The following TMEM132D variants were observed in gnomAD, a reference collection of about 807,000 sequenced individuals.
TMEM132D encodes the protein transmembrane protein 132D.
A neutral mutation model predicts 62.3 loss-of-function variants in TMEM132D; 21 were observed. The observed-to-expected ratio is 0.34, with a 90% CI of 0.24 to 0.49. The LOEUF is 0.49. Among genes scored for constraint, TMEM132D ranks in the 20% least tolerant of loss-of-function variants. The probability of loss-of-function intolerance (pLI) is 0.99; values close to 1 mark genes in which losing one functional copy is unlikely to be tolerated. For missense variants in TMEM132D, 1,346 were observed against 1,402.8 expected (o/e 0.96, Z 0.65); for synonymous variants, 621 against 575.6 (o/e 1.08, Z -1.13).
rs115367998 is a variant in TMEM132D at position 129,262,144 on chromosome 12, T to A, written c.1300-52481A>T. ...CCTGTGATGGTTTCTTGTGTTCTAT[T>A]TGTAAAGGGATGCACCGATAAAGCA... On this transcript the variant is annotated intron_variant, in intron 4 of 8. Coordinates refer to ENST00000422113, the MANE Select transcript of TMEM132D (RefSeq NM_133448.3). Among the ~76,000 whole-genome samples, 899 of 152,246 alleles carry A rather than the reference T, an allele frequency of 5.9e-3. 10 individuals carry two copies. Among genetic ancestry groups the A allele is most frequent in the African/African-American group, 0.02 (849 of 41,532 alleles).
At chr12:129,801,423 G>A (rs1344610383) in intron 1 of TMEM132D, among the ~76,000 whole-genome samples, 2 of 151,614 alleles carry the variant, frequency 1.3e-5, no homozygotes, top group South Asian at 2.1e-4. Context: ...CCCCAGCAGG[G>A]GCACACTGAC....
chr12:129,092,303 CTTT>C (rs3045890), intron 5 of TMEM132D, among the ~76,000 whole-genome samples: 304 of 133,876 alleles, frequency 2.3e-3, no homozygotes, highest in African/African-American at 8.1e-3. Context: ...TCTCTCTTTC[CTTT>C]TTTTTTTTTT....
intron 1 of TMEM132D, among the ~76,000 whole-genome samples, chr12:129,838,501 C>T (rs889397882): frequency 2.6e-5 from 4 of 152,196 alleles, no homozygotes; most frequent in African/African-American, 9.7e-5. Flanking sequence ...TGCCTAACCC[C>T]CTTCCACTGA....
At chr12:129,808,245 C>A (rs1872057686) in intron 1 of TMEM132D, among the ~76,000 whole-genome samples, 1 of 152,160 alleles carries the variant, frequency 6.6e-6, no homozygotes, top group African/African-American at 2.4e-5. Context: ...ATCCTTTATT[C>A]AAGTCATGAG....
intron 5 of TMEM132D, among the ~76,000 whole-genome samples, chr12:129,130,796 G>A (rs1485271850): frequency 6.6e-6 from 1 of 152,180 alleles, no homozygotes; most frequent in African/African-American, 2.4e-5. Flanking sequence ...GCATATTACA[G>A]AAATTAGCTG....
At chr12:129,333,830 A>G (rs1869190797) in intron 4 of TMEM132D, among the ~76,000 whole-genome samples, 1 of 152,270 alleles carries the variant, frequency 6.6e-6, no homozygotes, top group South Asian at 2.1e-4. Context: ...TAAAATATAA[A>G]AAATTATAGG....
chr12:129,606,345 T>C (rs1283161624), intron 2 of TMEM132D, among the ~76,000 whole-genome samples: 1 of 152,092 alleles, frequency 6.6e-6, no homozygotes, highest in Non-Finnish European at 1.5e-5. Context: ...AAAAGATACA[T>C]GAGGGGTATC....
chr12:129,572,170 G>T (rs1275940592), intron 2 of TMEM132D, among the ~76,000 whole-genome samples: 2 of 152,200 alleles, frequency 1.3e-5, no homozygotes, highest in Non-Finnish European at 2.9e-5. Context: ...TCAGACACAG[G>T]GCACAGTCAC....
intron 5 of TMEM132D, among the ~76,000 whole-genome samples, chr12:129,087,845 G>A (rs961082934): frequency 6.6e-5 from 9 of 137,328 alleles, no homozygotes; most frequent in African/African-American, 2.0e-4. Flanking sequence ...ATGACACACC[G>A]CAGAGCCCCG....
At chr12:129,743,378 G>C (rs1049322099) in intron 1 of TMEM132D, among the ~76,000 whole-genome samples, 11 of 152,180 alleles carry the variant, frequency 7.2e-5, no homozygotes, top group Non-Finnish European at 1.5e-4. Flanking sequence ...GATAGTAAGT[G>C]AGTTCACAGG....
intron 4 of TMEM132D, among the ~76,000 whole-genome samples, chr12:129,333,524 T>C (rs1167170864): frequency 6.6e-6 from 1 of 152,214 alleles, no homozygotes; most frequent in Non-Finnish European, 1.5e-5. Context: ...TGTGTTTTCT[T>C]CACACCTATA....
chr12:129,657,629 G>A (rs566824128), intron 2 of TMEM132D, among the ~76,000 whole-genome samples: 8 of 152,286 alleles, frequency 5.3e-5, no homozygotes, highest in African/African-American at 1.4e-4. Context: ...AAAAATGTAC[G>A]GGTAAGTTAA....
At chr12:129,659,857 C>G (rs1051413819) in intron 2 of TMEM132D, among the ~76,000 whole-genome samples, 1 of 152,126 alleles carries the variant, frequency 6.6e-6, no homozygotes, top group Non-Finnish European at 1.5e-5. Flanking sequence ...AACTGAGAAA[C>G]AAAATTGTTC....
At chr12:129,784,952 C>T (rs891080170) in intron 1 of TMEM132D, among the ~76,000 whole-genome samples, 1 of 152,190 alleles carries the variant, frequency 6.6e-6, no homozygotes, top group African/African-American at 2.4e-5. Flanking sequence ...CAATGGCAAA[C>T]AAAGGCTAAA....
At chr12:129,261,026 C>T (rs1880537305) in intron 4 of TMEM132D, among the ~76,000 whole-genome samples, 1 of 152,074 alleles carries the variant, frequency 6.6e-6, no homozygotes, top group Non-Finnish European at 1.5e-5. Context: ...TGGTGGATAC[C>T]CAAGAGTGGG....
intron 3 of TMEM132D, among the ~76,000 whole-genome samples, chr12:129,516,067 C>G (rs577221824): frequency 3.1e-4 from 47 of 152,318 alleles, no homozygotes; most frequent in African/African-American, 1.1e-3. Context: ...TTCCTCCATC[C>G]TCAGGACTGC....
chr12:129,274,455 G>T (rs1023672832), intron 4 of TMEM132D, among the ~76,000 whole-genome samples: 4 of 152,120 alleles, frequency 2.6e-5, no homozygotes, highest in African/African-American at 9.7e-5. Flanking sequence ...TATCAGTCTG[G>T]TGCCCATATG....
chr12:129,676,818 T>G (rs925172502), intron 2 of TMEM132D, among the ~76,000 whole-genome samples: 1 of 151,458 alleles, frequency 6.6e-6, no homozygotes, highest in Non-Finnish European at 1.5e-5. Flanking sequence ...CATCTATCTA[T>G]GTTTATCATC....
intron 4 of TMEM132D, among the ~76,000 whole-genome samples, chr12:129,335,305 T>A (rs1042913892): frequency 2.0e-5 from 3 of 151,410 alleles, no homozygotes; most frequent in Non-Finnish European, 4.4e-5. Flanking sequence ...CTAAGTTTTG[T>A]AGTTTTTTTT....
Sources: gnomAD v4.1 joint callset for allele counts (sites outside exome capture counted in the v4.1 genomes callset) on GRCh38, gnomAD v4.1.1 for gene constraint, MANE v1.5 for transcripts, NCBI Gene and HGNC (gene_info 2026-07-23, HGNC 2026-07-21) for gene names.